Variants in ZSCAN25 observed in about 807,000 individuals in gnomAD.
ZSCAN25 encodes the protein zinc finger and SCAN domain-containing protein 25.
Under a neutral mutation model 38.7 loss-of-function variants are expected in ZSCAN25, and 27 were observed. That is an observed-to-expected ratio of 0.70 (90% CI 0.51 to 0.96). The LOEUF (loss-of-function observed/expected upper bound fraction) is 0.96, where lower values mean the gene tolerates loss of function less well. Ranked by LOEUF, ZSCAN25 falls within the 40% of genes least tolerant of loss-of-function variation. The pLI is 0.00. For missense variants in ZSCAN25, 637 were observed against 705.9 expected (o/e 0.90, Z 1.11); for synonymous variants, 273 against 277.7 (o/e 0.98, Z 0.17).
At chr7:99,689,229 C>A in the ZSCAN25 span, among the ~76,000 whole-genome samples, 1 of 152,082 alleles carries the variant, frequency 6.6e-6, no homozygotes, top group Non-Finnish European at 1.5e-5. Flanking sequence ...AATCCAGGAG[C>A]TGGTTTTTTG....
the ZSCAN25 span, among the ~76,000 whole-genome samples, chr7:99,637,899 C>T: frequency 0.27 from 41,246 of 152,046 alleles, 11,227 homozygotes; most frequent in African/African-American, 0.69. Flanking sequence ...AAAGCATACA[C>T]AGGAAAATGA....
chr7:99,701,707 C>T, the ZSCAN25 span, among the ~76,000 whole-genome samples: 1 of 152,180 alleles, frequency 6.6e-6, no homozygotes. Context: ...ATGTTGAGCA[C>T]ATTTTCATAT....
At chr7:99,658,828 C>A in the ZSCAN25 span, 1 of 152,144 alleles carries the variant, frequency 6.6e-6, no homozygotes, top group East Asian at 1.9e-4. Context: ...TCATTTCATT[C>A]ATTTGATCTT....
At chr7:99,662,687 C>G in the ZSCAN25 span, 7 of 860,390 alleles carry the variant, frequency 8.1e-6, no homozygotes, top group Non-Finnish European at 1.3e-5. The surrounding 1 kb of genome is among the most constrained non-coding windows in gnomAD (Gnocchi z 4.3). Flanking sequence ...TTTATAACAT[C>G]TAAATGTGTG....
At chr7:99,666,847 C>T in the ZSCAN25 span, 62 of 1,579,048 alleles carry the variant, frequency 3.9e-5, no homozygotes, top group African/African-American at 4.5e-4. Flanking sequence ...TTAGGAAGCT[C>T]GAACTCAGTG....
rs1479858428 is a variant in ZSCAN25 at position 99,622,539 on chromosome 7, C to T, written c.590-10C>T. 2.5e-6 allele frequency: 4 copies of T among 1,613,644 alleles called. No homozygotes were observed. Among genetic ancestry groups the T allele is most frequent in the Admixed American group, 3.3e-5 (2 of 60,002 alleles). Reference sequence around the variant, plus strand: ...TTCTGATCTTTCTCATGCTTTTTGTCCCTGCTCAGCACTACCTGTTCTGCA... The same window carrying T: ...TTCTGATCTTTCTCATGCTTTTTGTTCCTGCTCAGCACTACCTGTTCTGCA... On this transcript the variant is annotated splice_polypyrimidine_tract_variant and intron_variant, in intron 5 of 7. Transcript: ENST00000394152.
the ZSCAN25 span, among the ~76,000 whole-genome samples, chr7:99,637,511 T>C: frequency 8.5e-5 from 13 of 152,208 alleles, no homozygotes; most frequent in African/African-American, 3.1e-4. Flanking sequence ...AGCTACGTTA[T>C]GGGGAACTTG....
the ZSCAN25 span, among the ~76,000 whole-genome samples, chr7:99,713,887 G>C: frequency 2.0e-5 from 3 of 152,234 alleles, no homozygotes; most frequent in East Asian, 3.9e-4. Flanking sequence ...CAGCAGCTTT[G>C]GTGGGAGCAC....
At chr7:99,633,440 C>T (rs543321330), downstream of ZSCAN25, among the ~76,000 whole-genome samples, 2 of 152,316 alleles carry the variant, frequency 1.3e-5, no homozygotes, top group African/African-American at 4.8e-5. Context: ...ATAGTTCATA[C>T]AGGGAAGGCA....
chr7:99,620,736 G>A (rs1806884743), intron 4 of ZSCAN25: 1 of 152,230 alleles, frequency 6.6e-6, no homozygotes, highest in South Asian at 2.1e-4. Flanking sequence ...CAGTGAGAGA[G>A]TCCTCCTGAT....
At chr7:99,705,327 C>G in the ZSCAN25 span, 1 of 725,542 alleles carries the variant, frequency 1.4e-6, no homozygotes. Flanking sequence ...AAGTATAACA[C>G]TCTATACAGA....
rs780204912 is a variant in ZSCAN25, at chr7:99,629,998, G to A, written c.1613G>A (p.Arg538His). The change falls in exon 8 of 8, where the codon CGC (arginine) becomes CAC (histidine). Residue 538 changes from arginine (R) to histidine (H), a missense_variant. Transcript: ENST00000394152. The surrounding 1 kb of genome is among the most constrained non-coding windows in gnomAD (Gnocchi z 5.6). Reference protein sequence around the residue: ...ILNRHQKTQHRQEPLVQ With the variant: ...ILNRHQKTQHHQEPLVQ ...AACCGGCACCAGAAGACCCAGCACCGCCAGGAGCCGCTGGTGCAGTGAGCA... is the reference window on the plus strand; with the variant it reads ...AACCGGCACCAGAAGACCCAGCACCACCAGGAGCCGCTGGTGCAGTGAGCA... 8.9e-6 allele frequency: 14 copies of A among 1,572,564 alleles called. No homozygotes were observed. The highest frequency in any genetic ancestry group is 1.0e-5 in the Non-Finnish European group (12 of 1,159,722).
At chr7:99,719,158 T>G in the ZSCAN25 span, among the ~76,000 whole-genome samples, 6 of 152,158 alleles carry the variant, frequency 3.9e-5, no homozygotes, top group East Asian at 1.2e-3. Context: ...TCATTCTGAA[T>G]TTTTATGGAA....
Position 99,630,636 on chromosome 7 carries a change from G to T in ZSCAN25, c.*616G>T. On this transcript the variant is annotated 3_prime_UTR_variant, in exon 8 of 8. Transcript: ENST00000394152. ...ATGACCACTCCTGCCCTCCTGCCCC[G>T]TGCTGGATCTTCCCTCCCCAGCTGG... 1.0e-6 allele frequency: 1 copy of T among 985,620 alleles called. No individual in the cohort carries two copies. Among genetic ancestry groups the T allele is most frequent in the Non-Finnish European group, 1.2e-6 (1 of 830,128 alleles). 61.1% of individuals were successfully genotyped at this position (985,620 alleles called of 1,614,324 possible). A position where few individuals can be genotyped will look rare whatever the true frequency, so the allele number is the denominator to read the frequency against.
chr7:99,625,591 C>T (rs146769382), intron 7 of ZSCAN25, among the ~76,000 whole-genome samples: 91 of 152,282 alleles, frequency 6.0e-4, no homozygotes, highest in African/African-American at 2.0e-3. Context: ...ATTGCTGTAA[C>T]GGCAGAGGAT....
At chr7:99,736,052 T>G in the ZSCAN25 span, among the ~76,000 whole-genome samples, 25 of 152,334 alleles carry the variant, frequency 1.6e-4, no homozygotes, top group African/African-American at 5.3e-4. Context: ...AAAAGAGACA[T>G]GGCATGGATG....
chr7:99,703,179 A>G, the ZSCAN25 span, among the ~76,000 whole-genome samples: 1 of 152,216 alleles, frequency 6.6e-6, no homozygotes, highest in Non-Finnish European at 1.5e-5. Context: ...ATATCATTTG[A>G]AAATAATTTG....
chr7:99,709,294 A>C, the ZSCAN25 span: 26 of 1,605,186 alleles, frequency 1.6e-5, no homozygotes, highest in South Asian at 2.7e-4. Flanking sequence ...GGATAAATTG[A>C]GATTTTTGAA....
At chr7:99,644,376 G>C in the ZSCAN25 span, among the ~76,000 whole-genome samples, 2 of 152,126 alleles carry the variant, frequency 1.3e-5, no homozygotes, top group African/African-American at 4.8e-5. Flanking sequence ...ACCCTCTCCT[G>C]GCCTAGGGCA....
Sources: allele counts gnomAD v4.1 joint callset (sites outside exome capture counted in the v4.1 genomes callset), GRCh38; gene constraint gnomAD v4.1.1; non-coding constraint Gnocchi (gnomAD v3.1); transcripts MANE v1.5; gene names NCBI Gene and HGNC (gene_info 2026-07-23, HGNC 2026-07-21).